SEMA3A: variants seen among roughly 807,000 people sequenced by gnomAD.
SEMA3A encodes the protein semaphorin-3A.
A neutral mutation model predicts 97.9 loss-of-function variants in SEMA3A; 29 were observed. The observed-to-expected ratio is 0.30, with a 90% CI of 0.22 to 0.40. The LOEUF (loss-of-function observed/expected upper bound fraction) is 0.40, where lower values mean the gene tolerates loss of function less well. Among genes scored for constraint, SEMA3A ranks in the 10% least tolerant of loss-of-function variants. SEMA3A has a pLI of 1.00. For synonymous variants in SEMA3A, 321 were observed against 323.7 expected (o/e 0.99, Z 0.09); for missense variants, 763 against 951.3 (o/e 0.80, Z 2.60).
chr7:84,453,135 T>A (rs1805600235), intron 1 of SEMA3A, among the ~76,000 whole-genome samples: 1 of 152,128 alleles, frequency 6.6e-6, no homozygotes, highest in African/African-American at 2.4e-5. Flanking sequence ...GTCGTATCCT[T>A]ATACATATCG....
At position 83,962,913 on chromosome 7, in the gene SEMA3A, C is replaced by CA. The variant is rs1258313028; in HGVS notation, c.1860+291dup. 3.9e-5 allele frequency among the ~76,000 whole-genome samples: 6 copies of CA among 152,058 alleles called. No homozygotes were observed. The East Asian group carries it at 1.2e-3, about 29-fold the overall frequency. The stretch of plus-strand genomic sequence containing the variant: ...TATTTGTGCACAAATATAAATAACA[C>CA]AATTTCTTTGTAGATAAACACAGTA... On this transcript the variant is annotated intron_variant, in intron 16 of 16. Transcript: ENST00000265362.
intron 9 of SEMA3A, among the ~76,000 whole-genome samples, chr7:84,010,587 A>G (rs1471869681): frequency 1.3e-5 from 2 of 152,200 alleles, no homozygotes; most frequent in African/African-American, 2.4e-5. Flanking sequence ...TTCATTAGCA[A>G]TTGACTAAAG....
Position 84,454,998 on chromosome 7 carries a change from A to T in SEMA3A, c.-246+37462T>A, listed in dbSNP as rs766453458. On this transcript the variant is annotated intron_variant, in intron 1 of 3. Coordinates refer to the SEMA3A transcript ENST00000424555. ...AATAAAAATGAAACGCTCTCAATGA[A>T]CCTGAATGTGTAGCTAGGTCACATT... Among the ~76,000 whole-genome samples, 93 of 152,066 alleles carry T rather than the reference A, an allele frequency of 6.1e-4. 1 individual carries two copies. The highest frequency in any genetic ancestry group is 9.4e-4 in the Non-Finnish European group (64 of 67,850).
chr7:84,058,193 C>G (rs1377072709), intron 5 of SEMA3A, among the ~76,000 whole-genome samples: 1 of 152,112 alleles, frequency 6.6e-6, no homozygotes, highest in East Asian at 1.9e-4. Context: ...AGGAAGAAGC[C>G]TAGAACCACC....
At chr7:84,026,891 T>C (rs1791568542) in intron 6 of SEMA3A, among the ~76,000 whole-genome samples, 1 of 152,056 alleles carries the variant, frequency 6.6e-6, no homozygotes, top group Non-Finnish European at 1.5e-5. Context: ...AAATAACTAT[T>C]GGGTACTAGG....
chr7:84,410,677 C>A (rs1804240162), intron 1 of SEMA3A, among the ~76,000 whole-genome samples: 1 of 152,212 alleles, frequency 6.6e-6, no homozygotes, highest in South Asian at 2.1e-4. Context: ...TGCACCACCA[C>A]ATGTTTTTCG....
At chr7:84,423,132 A>C (rs1804645318) in intron 1 of SEMA3A, among the ~76,000 whole-genome samples, 1 of 152,104 alleles carries the variant, frequency 6.6e-6, no homozygotes, top group Non-Finnish European at 1.5e-5. Flanking sequence ...TTGTAACAAT[A>C]GAAAAATGTA....
chr7:84,113,538 C>T (rs1795335228), intron 3 of SEMA3A, among the ~76,000 whole-genome samples: 1 of 152,120 alleles, frequency 6.6e-6, no homozygotes, highest in Admixed American at 6.6e-5. Context: ...ATTCTTAAAA[C>T]TCAGAATGTA....
chr7:84,452,985 A>T (rs1369061536), intron 1 of SEMA3A, among the ~76,000 whole-genome samples: 1 of 152,164 alleles, frequency 6.6e-6, no homozygotes, highest in East Asian at 1.9e-4. Flanking sequence ...GGAAGTTTGC[A>T]TGGTAACATC....
At chr7:83,987,984 C>T (rs964390524) in intron 12 of SEMA3A, among the ~76,000 whole-genome samples, 2 of 152,168 alleles carry the variant, frequency 1.3e-5, no homozygotes, top group Non-Finnish European at 2.9e-5. Context: ...GCTGATAGGA[C>T]ACTTTTCTGT....
intron 3 of SEMA3A, among the ~76,000 whole-genome samples, chr7:84,205,051 A>T (rs1249588007): frequency 6.6e-6 from 1 of 152,204 alleles, no homozygotes; most frequent in Non-Finnish European, 1.5e-5. Flanking sequence ...GAGTTTTAAT[A>T]ACCTAAGTCA....
At chr7:84,135,362 C>T (rs979549938) in intron 1 of SEMA3A, among the ~76,000 whole-genome samples, 2 of 151,924 alleles carry the variant, frequency 1.3e-5, no homozygotes, top group Non-Finnish European at 1.5e-5. Context: ...CCTCCTGCCT[C>T]GGCCTCCCAA....
intron 3 of SEMA3A, among the ~76,000 whole-genome samples, chr7:84,127,141 C>T (rs1239970895): frequency 2.0e-5 from 3 of 151,924 alleles, no homozygotes; most frequent in African/African-American, 7.3e-5. Context: ...CCTGAACTCT[C>T]TTCACAAGAA....
chr7:83,989,145 T>C (rs1584511331), intron 12 of SEMA3A, among the ~76,000 whole-genome samples: 1 of 152,136 alleles, frequency 6.6e-6, no homozygotes, highest in Non-Finnish European at 1.5e-5. Context: ...TTTCATGACA[T>C]AAAGTTTACA....
In SEMA3A at chr7:84,190,957, GTA is replaced by G. The variant is rs1491280790; in HGVS notation, c.112+3516_112+3517del. Among the ~76,000 whole-genome samples, 27 of 84,624 alleles carry G rather than the reference GTA, an allele frequency of 3.2e-4. No individual in the cohort carries two copies. In the East Asian group the frequency reaches 3.4e-3, roughly 11 times the overall value. The allele number at this position is 84,624 out of a possible 152,430, so 55.5% of individuals were successfully genotyped here. On this transcript the variant is annotated intron_variant, in intron 1 of 16. Transcript: ENST00000265362. ...CCTATGTGTACACATAAATGTATTGGTATATACACACACACACACACACACAC... is the reference window on the plus strand; with the variant it reads ...CCTATGTGTACACATAAATGTATTGGTATACACACACACACACACACACAC...
chr7:84,293,329 G>T (rs1800795770), intron 3 of SEMA3A, among the ~76,000 whole-genome samples: 1 of 151,952 alleles, frequency 6.6e-6, no homozygotes. Flanking sequence ...AATGGAGTTG[G>T]AATTGCTTTC....
chr7:84,368,021 C>A (rs569441332), intron 2 of SEMA3A, among the ~76,000 whole-genome samples: 11 of 151,210 alleles, frequency 7.3e-5, no homozygotes, highest in Middle Eastern at 3.4e-3. Flanking sequence ...AGAAGTAATG[C>A]TTTCAAGGAT....
chr7:84,183,206 G>A (rs1261787275), intron 1 of SEMA3A, among the ~76,000 whole-genome samples: 2 of 152,114 alleles, frequency 1.3e-5, no homozygotes, highest in Non-Finnish European at 2.9e-5. Context: ...AACTGAAGCT[G>A]AAAAATAAAA....
intron 1 of SEMA3A, among the ~76,000 whole-genome samples, chr7:84,185,410 G>A (rs545398570): frequency 6.6e-6 from 1 of 152,098 alleles, no homozygotes; most frequent in Admixed American, 6.6e-5. Context: ...GGTGACTCAT[G>A]CCTGTAATCC....
Sources: gnomAD v4.1 joint callset for allele counts (sites outside exome capture counted in the v4.1 genomes callset) on GRCh38, gnomAD v4.1.1 for gene constraint, MANE v1.5 for transcripts, NCBI Gene and HGNC (gene_info 2026-07-23, HGNC 2026-07-21) for gene names.